NFXL1: variants seen among roughly 807,000 people sequenced by gnomAD.
The protein encoded by NFXL1 is NF-X1-type zinc finger protein NFXL1.
A neutral mutation model predicts 123.3 loss-of-function variants in NFXL1; 66 were observed. That is an observed-to-expected ratio of 0.54 (90% CI 0.44 to 0.66). The LOEUF is 0.66. Ranked by LOEUF, NFXL1 falls within the 30% of genes least tolerant of loss-of-function variation. The pLI, the probability that NFXL1 is intolerant of heterozygous loss-of-function variation, is 0.00. For missense variants in NFXL1, 944 were observed against 1,125.6 expected (o/e 0.84, Z 2.31); for synonymous variants, 346 against 360.8 (o/e 0.96, Z 0.46).
At chr4:47,868,720 A>C (rs1242532731) in intron 18 of NFXL1, among the ~76,000 whole-genome samples, 2 of 152,252 alleles carry the variant, frequency 1.3e-5, no homozygotes, top group Non-Finnish European at 2.9e-5. Context: ...CAAAGATATT[A>C]GTGATATTAA....
chr4:47,897,254 G>A (rs1192637138), intron 9 of NFXL1, among the ~76,000 whole-genome samples: 3 of 152,178 alleles, frequency 2.0e-5, no homozygotes, highest in Admixed American at 6.5e-5. Flanking sequence ...TGAGGCTGCA[G>A]TGAGCTAGGA....
intron 10 of NFXL1, among the ~76,000 whole-genome samples, chr4:47,895,943 T>C (rs138169653): frequency 1.1e-4 from 17 of 152,286 alleles, no homozygotes; most frequent in Admixed American, 6.5e-4. Flanking sequence ...ACAAAAGCCA[T>C]TGTAGAGTTA....
chr4:47,886,407 T>C (rs1174460410), intron 12 of NFXL1, among the ~76,000 whole-genome samples: 2 of 152,140 alleles, frequency 1.3e-5, no homozygotes, highest in Admixed American at 6.5e-5. Flanking sequence ...CTCAACCTGT[T>C]GCTCAAGCTG....
intron 18 of NFXL1, among the ~76,000 whole-genome samples, chr4:47,863,802 T>A (rs1332018260): frequency 6.6e-6 from 1 of 152,204 alleles, no homozygotes; most frequent in Non-Finnish European, 1.5e-5. Flanking sequence ...CACCAAGGAA[T>A]AAACCTACTT....
chr4:47,904,221 T>C (rs1011008078), intron 4 of NFXL1, among the ~76,000 whole-genome samples: 6 of 152,122 alleles, frequency 3.9e-5, no homozygotes, highest in African/African-American at 1.2e-4. Context: ...TGTAAAACCA[T>C]GTAAAACACG....
intron 12 of NFXL1, among the ~76,000 whole-genome samples, chr4:47,889,906 G>A (rs1180969591): frequency 6.6e-6 from 1 of 152,090 alleles, no homozygotes; most frequent in Non-Finnish European, 1.5e-5. Flanking sequence ...AAGCATATAT[G>A]TGAATCCGGC....
Position 47,899,108 on chromosome 4 carries a change from G to T in NFXL1, c.839C>A (p.Pro280His), listed in dbSNP as rs1737249416. 3.2e-6 allele frequency: 5 copies of T among 1,553,318 alleles called. No homozygotes were observed. The highest frequency in any genetic ancestry group is 4.4e-6 in the Non-Finnish European group (5 of 1,143,286). The change falls in exon 7 of 23, where the codon CCT (proline) becomes CAT (histidine). Residue 280 changes from proline to histidine, a missense_variant. Pro to His is a moderately conservative substitution (Grantham distance 77, BLOSUM62 -2). Around this residue, in one of 4 missense-constraint regions of NFXL1, gnomAD observed 296 missense variants for 395.1 expected, o/e 0.75. Transcript: ENST00000507489. ...LLLCHPGPCP[P>H]CPKMVTTTCY... ...AGTAGTTGTGACCATCTTTGGACAA[G>T]GAGGGCAGGGACCTAGAATTCAGTA...
chr4:47,907,659 T>C (rs1737622814), intron 3 of NFXL1, among the ~76,000 whole-genome samples: 2 of 152,250 alleles, frequency 1.3e-5, no homozygotes, highest in South Asian at 2.1e-4. Context: ...AATCATATAC[T>C]AATGGATTTT....
chr4:47,847,605 C>G lies in NFXL1; in HGVS notation c.*558G>C, dbSNP rs952235335. The stretch of plus-strand genomic sequence containing the variant: ...CATTTGTTGAAAATAACTATATATT[C>G]TGAAGAACACGCCCCATGACATTTA... On this transcript the variant is annotated 3_prime_UTR_variant, in exon 23 of 23. Transcript: ENST00000507489. The G allele has an allele frequency of 6.6e-6, 1 of 152,542 alleles. No individual in the cohort carries two copies. The highest frequency in any genetic ancestry group is 2.4e-5 in the African/African-American group (1 of 41,442). The allele number at this position is 152,542 out of a possible 1,614,324, so 9.4% of individuals were successfully genotyped here.
intron 19 of NFXL1, among the ~76,000 whole-genome samples, chr4:47,857,805 T>C (rs1322925166): frequency 6.6e-6 from 1 of 152,084 alleles, no homozygotes; most frequent in East Asian, 1.9e-4. Flanking sequence ...GTCTATTAGG[T>C]TTTCTCTCTC....
At chr4:47,891,114 C>CTTTTT (rs374093120) in intron 11 of NFXL1, among the ~76,000 whole-genome samples, 7 of 140,000 alleles carry the variant, frequency 5.0e-5, no homozygotes, top group Non-Finnish European at 6.2e-5. Context: ...TTCTTTTTTT[C>CTTTTT]TTTTTTTTTT....
intron 19 of NFXL1, 57 bp downstream of exon 19, chr4:47,862,789 A>T (rs2110045054): frequency 1.0e-6 from 1 of 989,044 alleles, no homozygotes; most frequent in East Asian, 2.4e-5. Context: ...GAAAAAAGAA[A>T]ATCCAAGAGA....
chr4:47,899,156 A>T, intron 6 of NFXL1, 36 bp from the exon 7 acceptor site: 1 of 1,469,616 alleles, frequency 6.8e-7, no homozygotes, highest in South Asian at 1.3e-5. Context: ...AAAAAAAAAA[A>T]AAAATCTAAA....
intron 12 of NFXL1, among the ~76,000 whole-genome samples, chr4:47,888,703 G>C (rs1033354897): frequency 2.6e-5 from 4 of 151,118 alleles, no homozygotes; most frequent in Admixed American, 2.0e-4. Flanking sequence ...CTCAGACTCT[G>C]AGAAACTAAA....
intron 18 of NFXL1, among the ~76,000 whole-genome samples, chr4:47,870,308 C>T (rs1432398057): frequency 5.9e-5 from 9 of 152,228 alleles, no homozygotes; most frequent in African/African-American, 2.2e-4. Flanking sequence ...TCCAAATCAA[C>T]AGATCTAATG....
At chr4:47,899,770 T>C (rs146758777) in intron 5 of NFXL1, among the ~76,000 whole-genome samples, 1 of 152,354 alleles carries the variant, frequency 6.6e-6, no homozygotes, top group Non-Finnish European at 1.5e-5. Flanking sequence ...AACAGTTTTA[T>C]ACTGGGATTG....
At chr4:47,890,825 C>T (rs1736722966) in intron 11 of NFXL1, 122 bp from the exon 12 acceptor site, 1 of 579,602 alleles carries the variant, frequency 1.7e-6, no homozygotes. Context: ...AAGAAGTATT[C>T]AAGAATATCA....
chr4:47,849,334 G>C (rs17573449), intron 22 of NFXL1, among the ~76,000 whole-genome samples: 2,061 of 152,146 alleles, frequency 0.014, 20 homozygotes, highest in Non-Finnish European at 0.023. Context: ...CTACTGCTAA[G>C]TACTTATTAA....
At chr4:47,862,204 TCTAA>T (rs935380712) in intron 19 of NFXL1, among the ~76,000 whole-genome samples, 1 of 152,372 alleles carries the variant, frequency 6.6e-6, no homozygotes, top group Admixed American at 6.5e-5. Context: ...CACAATTTTT[TCTAA>T]CTACTTTTTG....
Sources: allele counts gnomAD v4.1 joint callset (sites outside exome capture counted in the v4.1 genomes callset), GRCh38; gene constraint gnomAD v4.1.1; regional missense constraint gnomAD v4.1.1; transcripts MANE v1.5; gene names NCBI Gene and HGNC (gene_info 2026-07-23, HGNC 2026-07-21).